The following FAF1 variants were observed in gnomAD, a reference collection of about 807,000 sequenced individuals.
The protein encoded by FAF1 is Fas associated factor 1.
FAF1 carries 25 observed loss-of-function variants against 92.5 expected under a neutral mutation model. That is an observed-to-expected ratio of 0.27 (90% CI 0.20 to 0.38). FAF1 has a LOEUF of 0.38. Among genes scored for constraint, FAF1 ranks in the 10% least tolerant of loss-of-function variants. The pLI, the probability that FAF1 is intolerant of heterozygous loss-of-function variation, is 1.00. For synonymous variants in FAF1, 234 were observed against 273.2 expected, an observed-to-expected ratio of 0.86 and a Z score of 1.42; for missense variants, 636 against 793.3, an observed-to-expected ratio of 0.80 and a Z score of 2.38.
At chr1:50,848,651 C>T (rs1264884893) in intron 2 of FAF1, among the ~76,000 whole-genome samples, 2 of 152,140 alleles carry the variant, frequency 1.3e-5, no homozygotes, top group Admixed American at 1.3e-4. Flanking sequence ...ACATCATATA[C>T]CTCCTGTTAC....
chr1:50,885,071 T>C (rs1265569936), intron 1 of FAF1, among the ~76,000 whole-genome samples: 1 of 152,190 alleles, frequency 6.6e-6, no homozygotes, highest in African/African-American at 2.4e-5. Context: ...TTGCTCTGAG[T>C]AGTCACTAAT....
intron 8 of FAF1, among the ~76,000 whole-genome samples, chr1:50,653,273 A>G (rs1468153581): frequency 6.6e-6 from 1 of 152,196 alleles, no homozygotes; most frequent in Non-Finnish European, 1.5e-5. Flanking sequence ...TCAATGCTAA[A>G]ATCAGTTTTT....
chr1:50,608,555 C>G (rs1021005043), intron 8 of FAF1, among the ~76,000 whole-genome samples: 2 of 152,152 alleles, frequency 1.3e-5, no homozygotes, highest in Non-Finnish European at 2.9e-5. Context: ...AACATTGCTT[C>G]AATGAGTACA....
chr1:50,699,122 A>T (rs968470905), intron 7 of FAF1, among the ~76,000 whole-genome samples: 23 of 152,096 alleles, frequency 1.5e-4, no homozygotes, highest in African/African-American at 5.3e-4. Context: ...ATGCCATCAA[A>T]CAAAAGTAAA....
chr1:50,950,826 C>G (rs978542901), intron 1 of FAF1, among the ~76,000 whole-genome samples: 8 of 152,202 alleles, frequency 5.3e-5, no homozygotes, highest in Non-Finnish European at 1.0e-4. Context: ...TTATTTTATA[C>G]GTAAGTTTCC....
At chr1:50,456,586 T>C (rs1646355060) in intron 18 of FAF1, among the ~76,000 whole-genome samples, 1 of 152,122 alleles carries the variant, frequency 6.6e-6, no homozygotes, top group Non-Finnish European at 1.5e-5. Flanking sequence ...CAAACAAAAA[T>C]AGTGGATGAA....
intron 15 of FAF1, among the ~76,000 whole-genome samples, chr1:50,502,769 A>C (rs1234640287): frequency 2.0e-5 from 3 of 152,192 alleles, no homozygotes; most frequent in Non-Finnish European, 4.4e-5. Context: ...GCTACTCAGA[A>C]AGAAAAATAC....
chr1:50,571,135 A>G (rs767890881), intron 12 of FAF1, among the ~76,000 whole-genome samples: 1 of 152,246 alleles, frequency 6.6e-6, no homozygotes, highest in Non-Finnish European at 1.5e-5. Flanking sequence ...GAATGTGCGG[A>G]GGCAAACGTT....
chr1:50,518,509 C>T (rs1268356824), intron 15 of FAF1, among the ~76,000 whole-genome samples: 4 of 151,448 alleles, frequency 2.6e-5, no homozygotes, highest in Admixed American at 6.6e-5. Flanking sequence ...GGTGCCATCT[C>T]GGCTCACTGC....
intron 7 of FAF1, among the ~76,000 whole-genome samples, chr1:50,697,799 T>A (rs1161948000): frequency 1.3e-5 from 2 of 152,142 alleles, no homozygotes; most frequent in Non-Finnish European, 2.9e-5. Flanking sequence ...AAAAAAAAGT[T>A]TTTCAAAATA....
chr1:50,924,194 T>C (rs1186101243), intron 1 of FAF1, among the ~76,000 whole-genome samples: 3 of 151,378 alleles, frequency 2.0e-5, no homozygotes, highest in Non-Finnish European at 2.9e-5. Flanking sequence ...AACTCAGAAC[T>C]GATAATGATA....
chr1:50,539,633 A>G lies in FAF1; in HGVS notation c.1364T>C (p.Met455Thr), dbSNP rs1648663636. 1 of 1,612,388 alleles carries G rather than the reference A, an allele frequency of 6.2e-7. No homozygotes were observed. Among genetic ancestry groups the G allele is most frequent in the South Asian group, 1.1e-5 (1 of 90,958 alleles). The change falls in exon 14 of 19, where the codon ATG becomes ACG. Residue 455 changes from methionine (M) to threonine (T), a missense_variant. Physicochemically the swap from Met to Thr is moderately conservative, Grantham distance 81. Around this residue, in one of 2 missense-constraint regions of FAF1, gnomAD observed 319 missense variants for 451.0 expected, o/e 0.71. Coordinates refer to ENST00000396153, the MANE Select transcript of FAF1 (RefSeq NM_007051.3). ...CACTTCATTAGATGATCGCTTTCCCATAATAATCAGGAAAAGCGGAAACTG... is the reference window on the plus strand; with the variant it reads ...CACTTCATTAGATGATCGCTTTCCCGTAATAATCAGGAAAAGCGGAAACTG... Reference protein sequence around the residue: ...TDQFPLFLIIMGKRSSNEVLN... With the variant: ...TDQFPLFLIITGKRSSNEVLN...
intron 15 of FAF1, among the ~76,000 whole-genome samples, chr1:50,514,443 A>T (rs1647181869): frequency 6.6e-6 from 1 of 152,204 alleles, no homozygotes; most frequent in Non-Finnish European, 1.5e-5. Flanking sequence ...ATCTGACATG[A>T]CACTCTTTCA....
At chr1:50,461,126 C>G (rs1557954265) in intron 18 of FAF1, among the ~76,000 whole-genome samples, 1 of 152,158 alleles carries the variant, frequency 6.6e-6, no homozygotes, top group Non-Finnish European at 1.5e-5. Context: ...TACAATATAA[C>G]TACTGTGAAT....
At chr1:50,619,265 G>A (rs570553843) in intron 8 of FAF1, among the ~76,000 whole-genome samples, 1 of 152,288 alleles carries the variant, frequency 6.6e-6, no homozygotes, top group South Asian at 2.1e-4. Flanking sequence ...ATGTGATTTT[G>A]ATCCTGTCAT....
At chr1:50,695,350 G>A (rs570115061) in intron 7 of FAF1, among the ~76,000 whole-genome samples, 20 of 152,138 alleles carry the variant, frequency 1.3e-4, no homozygotes, top group African/African-American at 4.8e-4. Context: ...GGAGGTTGCA[G>A]CGAGCAGAGA....
chr1:50,790,972 C>G (rs944139384), intron 3 of FAF1, among the ~76,000 whole-genome samples: 2 of 152,054 alleles, frequency 1.3e-5, no homozygotes, highest in Non-Finnish European at 2.9e-5. Flanking sequence ...TATTCTGTTA[C>G]ATAGATGTAT....
chr1:50,706,299 A>C (rs1317917967), intron 6 of FAF1, among the ~76,000 whole-genome samples: 2 of 152,190 alleles, frequency 1.3e-5, no homozygotes, highest in Admixed American at 6.5e-5. Context: ...CAGAAGTATG[A>C]AACTATTATT....
At chr1:50,555,712 C>T (rs901489191) in intron 13 of FAF1, among the ~76,000 whole-genome samples, 1 of 152,014 alleles carries the variant, frequency 6.6e-6, no homozygotes, top group Admixed American at 6.5e-5. Flanking sequence ...TCAGATTCCT[C>T]CAAGAACTAA....
Sources: allele counts gnomAD v4.1 joint callset (sites outside exome capture counted in the v4.1 genomes callset), GRCh38; gene constraint gnomAD v4.1.1; regional missense constraint gnomAD v4.1.1; transcripts MANE v1.5; gene names NCBI Gene and HGNC (gene_info 2026-07-23, HGNC 2026-07-21).